FSIP2: variants seen among roughly 807,000 people sequenced by gnomAD.
The protein encoded by FSIP2 is fibrous sheath interacting protein 2.
A neutral mutation model predicts 510.5 loss-of-function variants in FSIP2; 367 were observed. The observed-to-expected ratio is 0.72, with a 90% CI of 0.66 to 0.78. The LOEUF (loss-of-function observed/expected upper bound fraction) is 0.78, where lower values mean the gene tolerates loss of function less well. Ranked by LOEUF, FSIP2 falls within the 30% of genes least tolerant of loss-of-function variation. The pLI is 0.00. For synonymous variants in FSIP2, 2,601 were observed against 2,732.2 expected, an observed-to-expected ratio of 0.95 and a Z score of 1.50; for missense variants, 7,594 against 7,901.7, an observed-to-expected ratio of 0.96 and a Z score of 1.48.
chr2:185,812,133 T>G (rs1693745452), intron 17 of FSIP2, among the ~76,000 whole-genome samples: 1 of 152,056 alleles, frequency 6.6e-6, no homozygotes, highest in Non-Finnish European at 1.5e-5. Flanking sequence ...ACCCTCAGCG[T>G]GGAAAAGCCT....
At chr2:185,767,486 T>G (rs921493998) in intron 13 of FSIP2, among the ~76,000 whole-genome samples, 3 of 152,254 alleles carry the variant, frequency 2.0e-5, no homozygotes, top group East Asian at 1.9e-4. Flanking sequence ...CATTCTATTC[T>G]CTGTTCCTAT....
rs1375511030 is a variant in FSIP2 at position 185,801,814 on chromosome 2, A to G, written c.12508A>G (p.Met4170Val). 6.7e-7 allele frequency: 1 copy of G among 1,489,612 alleles called. No homozygotes were observed. Among genetic ancestry groups the G allele is most frequent in the Admixed American group, 2.3e-5 (1 of 42,574 alleles). The allele number at this position is 1,489,612 out of a possible 1,614,324, so 92.3% of individuals were successfully genotyped here. Reference protein sequence around the residue: ...TCSSLGKKYLMSSDFNEMSTC... With the variant: ...TCSSLGKKYLVSSDFNEMSTC... ...TTCCTCTTTAGGAAAAAAATATTTAATGAGTTCTGATTTTAATGAAATGTC... is the reference window on the plus strand; with the variant it reads ...TTCCTCTTTAGGAAAAAAATATTTAGTGAGTTCTGATTTTAATGAAATGTC... Residue 4170 changes from methionine (M) to valine (V), a missense_variant, in exon 17 of 23, where the codon ATG becomes GTG. Coordinates refer to ENST00000424728, the MANE Select transcript of FSIP2 (RefSeq NM_173651.4).
rs1693310301 is a variant in FSIP2 at position 185,797,231 on chromosome 2, C to T, written c.10095C>T (p.Ser3365=). The T allele has an allele frequency of 6.5e-7, 1 of 1,534,852 alleles. No homozygotes were observed. Among genetic ancestry groups the T allele is most frequent in the Non-Finnish European group, 8.7e-7 (1 of 1,146,170 alleles). Residue 3365 remains serine, a synonymous_variant, in exon 16 of 23, where the codon AGC becomes AGT. Transcript: ENST00000424728. ...IMKPFFISKQ[S]SLSEVSGGQK... ...AACCATTTTTCATATCAAAACAAAGCTCTTTATCTGAAGTATCTGGAGGGC... is the reference window on the plus strand; with the variant it reads ...AACCATTTTTCATATCAAAACAAAGTTCTTTATCTGAAGTATCTGGAGGGC...
At chr2:185,781,140 G>C (rs985636801) in intron 13 of FSIP2, among the ~76,000 whole-genome samples, 4 of 151,128 alleles carry the variant, frequency 2.6e-5, no homozygotes, top group Non-Finnish European at 5.9e-5. Flanking sequence ...TACTTACAGT[G>C]GTTGGACTTA....
At position 185,802,589 on chromosome 2, in the gene FSIP2, C is replaced by A; in HGVS notation, c.13283C>A (p.Ala4428Asp). 1 of 1,532,168 alleles carries A rather than the reference C, an allele frequency of 6.5e-7. No individual in the cohort carries two copies. Among genetic ancestry groups the A allele is most frequent in the Non-Finnish European group, 8.7e-7 (1 of 1,144,824 alleles). The allele number at this position is 1,532,168 out of a possible 1,614,324, so 94.9% of individuals were successfully genotyped here. Residue 4428 changes from alanine (A) to aspartate (D), a missense_variant, in exon 17 of 23, where the codon GCT becomes GAT. By Grantham distance (126) the Ala-to-Asp change is moderately radical. Coordinates refer to ENST00000424728, the MANE Select transcript of FSIP2 (RefSeq NM_173651.4). ...CCACTGTTTTCTGGGGATTTTTCAG[C>A]TTCTACCTATTCTAATTCAGTGGCT... ...LHPLFSGDFS[A>D]STYSNSVAEN...
Position 185,795,012 on chromosome 2 carries a change from T to C in FSIP2, c.7876T>C (p.Leu2626=), listed in dbSNP as rs774424822. The C allele has an allele frequency of 3.3e-5, 50 of 1,533,782 alleles. No individual in the cohort carries two copies. The Middle Eastern group carries it at 2.2e-3, about 67-fold the overall frequency. ...MENTLLPYLP[L]QVKKDLIQMV... is the part of the protein sequence containing the mutation. The stretch of plus-strand genomic sequence containing the variant: ...AAACACTCTTTTGCCATATTTACCA[T>C]TGCAAGTGAAGAAAGACTTAATTCA... Residue 2626 remains leucine, a synonymous_variant, in exon 16 of 23, where the codon TTG becomes CTG. Transcript: ENST00000424728.
In FSIP2 at chr2:185,791,309, T is replaced by C. The variant is rs1559026320; in HGVS notation, c.4173T>C (p.Asp1391=). The C allele has an allele frequency of 2.0e-6, 3 of 1,534,158 alleles. No individual in the cohort carries two copies. The highest frequency in any genetic ancestry group is 2.7e-5 in the African/African-American group (2 of 72,918). ...RKPKSATDSV[D]VQSILPNRQD... ...CAAAGTCTGCAACTGACAGTGTTGATGTACAAAGCATTTTGCCAAATAGGC... is the reference window on the plus strand; with the variant it reads ...CAAAGTCTGCAACTGACAGTGTTGACGTACAAAGCATTTTGCCAAATAGGC... Residue 1391 remains aspartate (D), a synonymous_variant, in exon 16 of 23, where the codon GAT becomes GAC. Transcript: ENST00000424728.
Position 185,744,455 on chromosome 2 carries a change from A to G in FSIP2, c.477+44A>G. On this transcript the variant is annotated intron_variant, in intron 4 of 22. Coordinates refer to ENST00000424728, the MANE Select transcript of FSIP2 (RefSeq NM_173651.4). Reference sequence around the variant, plus strand: ...TTTGGTTTATTTACATAGAGTTTGGAAGAAATGCTTGATTATATGTAGAGT... The same window carrying G: ...TTTGGTTTATTTACATAGAGTTTGGGAGAAATGCTTGATTATATGTAGAGT... 2 of 446,536 alleles carry G rather than the reference A, an allele frequency of 4.5e-6. 1 individual carries two copies. The highest frequency in any genetic ancestry group is 9.5e-5 in the South Asian group (2 of 21,008). 27.7% of individuals were successfully genotyped at this position (446,536 alleles called of 1,614,324 possible).
In FSIP2 at chr2:185,793,373, G is replaced by A; in HGVS notation, c.6237G>A (p.Glu2079=). 1 of 1,533,772 alleles carries A rather than the reference G, an allele frequency of 6.5e-7. No individual in the cohort carries two copies. The highest frequency in any genetic ancestry group is 8.7e-7 in the Non-Finnish European group (1 of 1,145,474). ...GTGTTATTGAAAAGCTGCTCAATGA[G>A]ACCAAATATCGAAAAGTACTTCAAC... ...QKGVIEKLLN[E]TKYRKVLQLQ... Residue 2079 remains glutamate (E), a synonymous_variant, in exon 16 of 23, where the codon GAG becomes GAA. Transcript: ENST00000424728.
intron 14 of FSIP2, chr2:185,783,574 G>C (rs1692901244): frequency 6.6e-6 from 1 of 152,186 alleles, no homozygotes; most frequent in African/African-American, 2.4e-5. Context: ...CTTTAAGACT[G>C]ATAAATATCA....
chr2:185,772,469 G>A (rs1190881343), intron 13 of FSIP2, among the ~76,000 whole-genome samples: 2 of 152,164 alleles, frequency 1.3e-5, no homozygotes, highest in East Asian at 3.9e-4. Context: ...TTCCACTCAT[G>A]GCAGAAGGTG....
intron 8 of FSIP2, among the ~76,000 whole-genome samples, chr2:185,754,212 GA>G (rs923139347): frequency 8.6e-5 from 13 of 150,392 alleles, no homozygotes; most frequent in Middle Eastern, 3.4e-3. Context: ...ACAGAATTAG[GA>G]AAAAAAAGAA....
At chr2:185,814,150 A>G (rs17230036) in intron 18 of FSIP2, 108 bp downstream of exon 18, 115,836 of 1,120,958 alleles carry the variant, frequency 0.1, 6,895 homozygotes, top group Middle Eastern at 0.14. Context: ...AATGAATTCA[A>G]TCTCAAGCCT....
Position 185,807,793 on chromosome 2 carries a change from G to A in FSIP2, c.18487G>A (p.Val6163Met). ...ILKDVFQTTD[V>M]PLPKPSHADK... ...TAAAGATGTTTTCCAAACTACTGAT[G>A]TGCCCCTACCTAAACCTTCACATGC... The change falls in exon 17 of 23, where the codon GTG becomes ATG. Residue 6163 changes from valine (V) to methionine (M), a missense_variant. Transcript: ENST00000424728. The A allele has an allele frequency of 6.2e-7, 1 of 1,612,642 alleles. No individual in the cohort carries two copies. Among genetic ancestry groups the A allele is most frequent in the Non-Finnish European group, 8.5e-7 (1 of 1,179,230 alleles).
intron 8 of FSIP2, among the ~76,000 whole-genome samples, chr2:185,755,553 T>A (rs1350298552): frequency 1.3e-5 from 2 of 151,504 alleles, no homozygotes; most frequent in East Asian, 3.9e-4. Context: ...CAAATTAAAT[T>A]GAATTATACC....
Position 185,805,333 on chromosome 2 carries a change from A to C in FSIP2, c.16027A>C (p.Ile5343Leu), listed in dbSNP as rs770035900. 6.3e-7 allele frequency: 1 copy of C among 1,598,864 alleles called. No individual in the cohort carries two copies. The highest frequency in any genetic ancestry group is 2.2e-5 in the East Asian group (1 of 44,686). Residue 5343 changes from isoleucine (I) to leucine (L), a missense_variant, in exon 17 of 23, where the codon ATT (isoleucine) becomes CTT (leucine). Transcript: ENST00000424728. ...TGAAAAAATGTTTTCTTTTCCACCA[A>C]TTGATAAAGAGACAGTTGATAAAAT... ...NAEKMFSFPP[I>L]DKETVDKISN... is the part of the protein sequence containing the mutation.
chr2:185,796,200 A>G lies in FSIP2; in HGVS notation c.9064A>G (p.Met3022Val), dbSNP rs1377907085. ...SKYEFSEIVK[M>V]PIENLSSIQQ... ...ATATGAGTTTTCTGAAATTGTGAAA[A>G]TGCCTATAGAAAACCTTTCTTCTAT... Residue 3022 changes from methionine (M) to valine (V), a missense_variant, in exon 16 of 23, where the codon ATG becomes GTG. Met to Val is a conservative substitution (Grantham distance 21). Transcript: ENST00000424728. The G allele has an allele frequency of 6.5e-7, 1 of 1,530,454 alleles. No individual in the cohort carries two copies. The highest frequency in any genetic ancestry group is 2.0e-5 in the Admixed American group (1 of 50,020). The allele number at this position is 1,530,454 out of a possible 1,614,324, so 94.8% of individuals were successfully genotyped here. A position where few individuals can be genotyped will look rare whatever the true frequency, so the allele number is the denominator to read the frequency against.
intron 6 of FSIP2, among the ~76,000 whole-genome samples, 197 bp downstream of exon 6, chr2:185,747,007 T>C (rs571064476): frequency 6.6e-6 from 1 of 152,128 alleles, no homozygotes. Flanking sequence ...AGTACGTATA[T>C]AAGCCAATTT....
chr2:185,788,553 A>G, intron 15 of FSIP2, 90 bp from the exon 16 acceptor site: 1 of 777,614 alleles, frequency 1.3e-6, no homozygotes, highest in Non-Finnish European at 2.0e-6. Context: ...CAATACATTG[A>G]TATAAAAATT....
Sources: allele counts gnomAD v4.1 joint callset (sites outside exome capture counted in the v4.1 genomes callset), GRCh38; gene constraint gnomAD v4.1.1; transcripts MANE v1.5; gene names NCBI Gene and HGNC (gene_info 2026-07-23, HGNC 2026-07-21).